FBXO4: variants seen among roughly 807,000 people sequenced by gnomAD.
FBXO4 encodes F-box only protein 4.
Under a neutral mutation model 43.7 loss-of-function variants are expected in FBXO4, and 36 were observed. That is an observed-to-expected ratio of 0.82 (90% confidence interval 0.63 to 1.09). The LOEUF is 1.09. Ranked by LOEUF, FBXO4 falls within the 50% of genes least tolerant of loss-of-function variation. FBXO4 has a pLI of 0.00. For missense variants in FBXO4, 435 were observed against 474.1 expected (o/e 0.92, Z 0.77); for synonymous variants, 180 against 165.6 (o/e 1.09, Z -0.67).
the FBXO4 span, among the ~76,000 whole-genome samples, chr5:41,978,690 C>T: frequency 6.6e-6 from 1 of 152,036 alleles, no homozygotes; most frequent in East Asian, 1.9e-4. Flanking sequence ...TCTGTAGACA[C>T]CTAACTTTCC....
At chr5:41,964,614 T>C in the FBXO4 span, among the ~76,000 whole-genome samples, 1 of 136,428 alleles carries the variant, frequency 7.3e-6, no homozygotes, top group Admixed American at 7.5e-5. Flanking sequence ...TTTTCAAAAA[T>C]AGATTTTAAG....
chr5:41,975,281 A>C, the FBXO4 span, among the ~76,000 whole-genome samples: 3 of 152,168 alleles, frequency 2.0e-5, no homozygotes, highest in Non-Finnish European at 2.9e-5. Flanking sequence ...TCCTGCTGGA[A>C]TTGTCTTTCT....
chr5:41,986,608 T>G, the FBXO4 span, among the ~76,000 whole-genome samples: 49 of 152,172 alleles, frequency 3.2e-4, no homozygotes, highest in African/African-American at 1.0e-3. Flanking sequence ...TTCAAAGGAG[T>G]GTTCCCTTTC....
chr5:42,036,794 C>A, the FBXO4 span, among the ~76,000 whole-genome samples: 1 of 152,034 alleles, frequency 6.6e-6, no homozygotes. Flanking sequence ...TCCTTTCAAC[C>A]ACAGGTAGAC....
chr5:42,036,659 G>A, the FBXO4 span, among the ~76,000 whole-genome samples: 2 of 152,126 alleles, frequency 1.3e-5, no homozygotes, highest in Admixed American at 6.6e-5. Context: ...AGGGGGCAGA[G>A]TCACCTTTGA....
intron 1 of FBXO4, among the ~76,000 whole-genome samples, chr5:41,926,208 T>TA (rs1368346750): frequency 6.6e-6 from 1 of 152,210 alleles, no homozygotes; most frequent in Non-Finnish European, 1.5e-5. Flanking sequence ...GCTGCAGGTT[T>TA]AGAATGCCTC....
chr5:41,967,281 T>C, the FBXO4 span: 6 of 458,408 alleles, frequency 1.3e-5, no homozygotes, highest in Admixed American at 1.8e-4. Context: ...TGGAGTGATA[T>C]AACTGGCTTT....
At chr5:41,954,415 T>C in the FBXO4 span, among the ~76,000 whole-genome samples, 2 of 152,234 alleles carry the variant, frequency 1.3e-5, no homozygotes, top group African/African-American at 4.8e-5. Flanking sequence ...TTCATTGTTA[T>C]GCAATTTGAA....
the FBXO4 span, among the ~76,000 whole-genome samples, chr5:41,970,429 G>A: frequency 1.8e-3 from 271 of 151,856 alleles, 1 homozygote; most frequent in African/African-American, 6.4e-3. Context: ...TATAACAGAA[G>A]AAAACCAGTT....
At chr5:42,020,769 A>G in the FBXO4 span, among the ~76,000 whole-genome samples, 1 of 152,204 alleles carries the variant, frequency 6.6e-6, no homozygotes, top group Non-Finnish European at 1.5e-5. Context: ...TCCACTAGCC[A>G]TAAGGAGGCT....
chr5:42,022,936 T>C, the FBXO4 span, among the ~76,000 whole-genome samples: 2 of 152,098 alleles, frequency 1.3e-5, no homozygotes, highest in South Asian at 2.1e-4. Flanking sequence ...TGTGAATAGA[T>C]AATTTGAACA....
chr5:42,032,013 C>A, the FBXO4 span, among the ~76,000 whole-genome samples: 3 of 151,818 alleles, frequency 2.0e-5, no homozygotes, highest in African/African-American at 7.3e-5. Flanking sequence ...CTTACTTTCT[C>A]CCAAACAGCT....
rs1416095477 is a variant in FBXO4 at position 41,927,029 on chromosome 5, A to C, written c.206A>C (p.Tyr69Ser). 6.2e-7 allele frequency: 1 copy of C among 1,608,230 alleles called. No homozygotes were observed. Among genetic ancestry groups the C allele is most frequent in the African/African-American group, 1.3e-5 (1 of 74,586 alleles). Residue 69 changes from tyrosine to serine, a missense_variant, in exon 2 of 7, where the codon TAT becomes TCT. Tyr to Ser is a moderately radical substitution (Grantham distance 144, BLOSUM62 -2). Coordinates refer to ENST00000281623, the MANE Select transcript of FBXO4 (RefSeq NM_012176.3). Reference protein sequence around the residue: ...LTRLPIDVQLYILSFLSPHDL... With the variant: ...LTRLPIDVQLSILSFLSPHDL... ...CTGTTTCAGATTGATGTACAGCTAT[A>C]TATTTTGTCCTTTCTTTCACCTCAT...
the FBXO4 span, among the ~76,000 whole-genome samples, chr5:41,953,415 G>A: frequency 1.3e-5 from 2 of 152,222 alleles, no homozygotes; most frequent in South Asian, 4.2e-4. Context: ...ATTTGGGTTG[G>A]TTCCAAGTCT....
At chr5:42,032,077 G>C in the FBXO4 span, among the ~76,000 whole-genome samples, 2 of 150,388 alleles carry the variant, frequency 1.3e-5, no homozygotes, top group Non-Finnish European at 3.0e-5. Flanking sequence ...GTGTGTGTGT[G>C]TGTGTGTGTG....
the FBXO4 span, among the ~76,000 whole-genome samples, chr5:41,959,442 T>G: frequency 6.6e-6 from 1 of 152,120 alleles, no homozygotes; most frequent in Admixed American, 6.5e-5. Context: ...TAGGGCCGTA[T>G]TTTAAAAAGT....
the FBXO4 span, chr5:41,963,762 C>T: frequency 6.6e-6 from 1 of 152,224 alleles, no homozygotes. Context: ...GTCTTGATGT[C>T]TTGGGGTAGC....
At chr5:41,984,945 C>T in the FBXO4 span, among the ~76,000 whole-genome samples, 1 of 152,188 alleles carries the variant, frequency 6.6e-6, no homozygotes, top group African/African-American at 2.4e-5. Context: ...TACACAACTT[C>T]AGTCTGATTC....
At chr5:41,941,780 T>C (rs1752010144), downstream of FBXO4, 1 of 152,802 alleles carries the variant, frequency 6.5e-6, no homozygotes, top group African/African-American at 2.4e-5. Context: ...GGCCATACAA[T>C]CTGTCTTTTA....
Sources: gnomAD v4.1 joint callset for allele counts (sites outside exome capture counted in the v4.1 genomes callset) on GRCh38, gnomAD v4.1.1 for gene constraint, MANE v1.5 for transcripts, NCBI Gene and HGNC (gene_info 2026-07-23, HGNC 2026-07-21) for gene names.